The following HS2ST1 variants were observed in gnomAD, a reference collection of about 807,000 sequenced individuals.
HS2ST1 encodes 2-O-sulfotransferase.
In HS2ST1, 18 loss-of-function variants were observed where a neutral mutation model predicts 42.9. That is an observed-to-expected ratio of 0.42 (90% CI 0.29 to 0.62). The LOEUF (loss-of-function observed/expected upper bound fraction) is 0.62, where lower values mean the gene tolerates loss of function less well. Among genes scored for constraint, HS2ST1 ranks in the 20% least tolerant of loss-of-function variants. HS2ST1 has a pLI of 0.21. For missense variants in HS2ST1, 334 were observed against 433.8 expected (o/e 0.77, Z 2.04); for synonymous variants, 146 against 152.9 (o/e 0.95, Z 0.33).
chr1:86,967,604 C>G (rs1397232571), intron 1 of HS2ST1, among the ~76,000 whole-genome samples: 1 of 152,164 alleles, frequency 6.6e-6, no homozygotes, highest in Non-Finnish European at 1.5e-5. Context: ...CCAGTTCCAT[C>G]CAAGTTGCTG....
At chr1:87,042,502 C>T (rs558205631) in intron 1 of HS2ST1, among the ~76,000 whole-genome samples, 1 of 152,122 alleles carries the variant, frequency 6.6e-6, no homozygotes, top group Non-Finnish European at 1.5e-5. Context: ...TTTAAGGAAG[C>T]CATTATTTTA....
intron 1 of HS2ST1, among the ~76,000 whole-genome samples, chr1:87,052,984 A>AT (rs1409395228): frequency 6.6e-6 from 1 of 152,170 alleles, no homozygotes; most frequent in East Asian, 1.9e-4. Flanking sequence ...AGGAATTTGT[A>AT]TTTTAACAAA....
At chr1:87,087,405 C>G (rs928372944) in intron 3 of HS2ST1, among the ~76,000 whole-genome samples, 4 of 152,010 alleles carry the variant, frequency 2.6e-5, no homozygotes, top group Non-Finnish European at 5.9e-5. Flanking sequence ...TATTCAGGCA[C>G]GTATCAGGTA....
chr1:86,977,521 A>C (rs1043585738), intron 1 of HS2ST1, among the ~76,000 whole-genome samples: 1 of 152,246 alleles, frequency 6.6e-6, no homozygotes, highest in Non-Finnish European at 1.5e-5. Flanking sequence ...TAATGTGACT[A>C]TTGTGACATT....
chr1:87,028,177 T>C lies in HS2ST1; in HGVS notation c.125-44757T>C, dbSNP rs541531912. Among the ~76,000 whole-genome samples, 12 of 152,306 alleles carry C rather than the reference T, an allele frequency of 7.9e-5. No individual in the cohort carries two copies. In the East Asian group the frequency reaches 2.1e-3, roughly 27 times the overall value. On this transcript the variant is annotated intron_variant, in intron 1 of 6. Transcript: ENST00000370550. ...AAGTAGACAATTTCACGTACACTACTAGACAAGTGATTTTCATGTCAGGAG... is the reference window on the plus strand; with the variant it reads ...AAGTAGACAATTTCACGTACACTACCAGACAAGTGATTTTCATGTCAGGAG...
At chr1:86,964,124 G>C (rs1181183607) in intron 1 of HS2ST1, among the ~76,000 whole-genome samples, 1 of 151,802 alleles carries the variant, frequency 6.6e-6, no homozygotes, top group Non-Finnish European at 1.5e-5. Flanking sequence ...ATGGGCAGCC[G>C]GGCAGAGACG....
chr1:86,921,384 T>C (rs1660293581), intron 1 of HS2ST1, among the ~76,000 whole-genome samples: 1 of 152,076 alleles, frequency 6.6e-6, no homozygotes, highest in East Asian at 1.9e-4. Context: ...GACCAACCCT[T>C]TTTTTTATAC....
chr1:87,090,067 C>T (rs1651904170), intron 3 of HS2ST1, among the ~76,000 whole-genome samples: 1 of 151,988 alleles, frequency 6.6e-6, no homozygotes, highest in Non-Finnish European at 1.5e-5. Context: ...TGTAATCTCT[C>T]CTTGTAGTTT....
At chr1:87,092,043 C>G (rs1487936846) in intron 3 of HS2ST1, among the ~76,000 whole-genome samples, 1 of 152,026 alleles carries the variant, frequency 6.6e-6, no homozygotes, top group African/African-American at 2.4e-5. Flanking sequence ...AGTGAGAAAT[C>G]ATTGCTACAT....
intron 1 of HS2ST1, among the ~76,000 whole-genome samples, chr1:86,960,519 A>G (rs2102196552): frequency 6.6e-6 from 1 of 152,208 alleles, no homozygotes; most frequent in East Asian, 1.9e-4. Context: ...CTGGGAGAAA[A>G]TCTTTGGAAA....
chr1:87,047,769 T>C (rs1650723353), intron 1 of HS2ST1, among the ~76,000 whole-genome samples: 1 of 152,198 alleles, frequency 6.6e-6, no homozygotes, highest in Non-Finnish European at 1.5e-5. Flanking sequence ...ATTTGTATAG[T>C]TATATTTCTG....
chr1:87,100,687 A>G (rs972500874), intron 5 of HS2ST1, among the ~76,000 whole-genome samples: 1 of 152,190 alleles, frequency 6.6e-6, no homozygotes, highest in African/African-American at 2.4e-5. Flanking sequence ...TAATTCCAGC[A>G]CTTTGGAAGA....
chr1:87,008,826 AGTTGT>A (rs151227173), intron 1 of HS2ST1, among the ~76,000 whole-genome samples: 4 of 151,954 alleles, frequency 2.6e-5, no homozygotes, highest in Non-Finnish European at 4.4e-5. Context: ...ATTCAGAAGG[AGTTGT>A]GTTGTGTTGT....
intron 1 of HS2ST1, among the ~76,000 whole-genome samples, chr1:86,961,689 C>T (rs1394614924): frequency 1.3e-5 from 2 of 152,132 alleles, no homozygotes; most frequent in Non-Finnish European, 2.9e-5. Context: ...GCAACCAAAA[C>T]TAACAGCTCT....
At chr1:87,035,471 G>A (rs1047947095) in intron 1 of HS2ST1, among the ~76,000 whole-genome samples, 5 of 152,066 alleles carry the variant, frequency 3.3e-5, no homozygotes, top group African/African-American at 1.2e-4. Context: ...TGAGTTCATG[G>A]CCTAGAAGAT....
chr1:86,960,623 A>T (rs1647810121), intron 1 of HS2ST1, among the ~76,000 whole-genome samples: 1 of 152,228 alleles, frequency 6.6e-6, no homozygotes, highest in Non-Finnish European at 1.5e-5. Context: ...GGACAAAAAA[A>T]TCTGAACCTC....
In HS2ST1 at chr1:86,914,905, C is replaced by T. The variant is rs1203308137; in HGVS notation, c.-132C>T. 17 of 1,102,450 alleles carry T rather than the reference C, an allele frequency of 1.5e-5. No homozygotes were observed. The highest frequency in any genetic ancestry group is 4.7e-5 in the African/African-American group (3 of 63,662). 68.3% of individuals were successfully genotyped at this position (1,102,450 alleles called of 1,614,324 possible). On this transcript the variant is annotated 5_prime_UTR_variant, in exon 1 of 7. Transcript: ENST00000370550. Reference sequence around the variant, plus strand: ...GGAGAGGCGAGAAGGGGGGTCGCTGCGGTGGTTCTCTCGCTGTCGCTCTCT... The same window carrying T: ...GGAGAGGCGAGAAGGGGGGTCGCTGTGGTGGTTCTCTCGCTGTCGCTCTCT...
At chr1:86,915,564 T>C (rs1557477641) in intron 1 of HS2ST1, among the ~76,000 whole-genome samples, 2 of 152,116 alleles carry the variant, frequency 1.3e-5, no homozygotes. Context: ...AGATGAGGGG[T>C]ATTCTAATTT....
chr1:86,937,841 A>G (rs776630056), intron 1 of HS2ST1, among the ~76,000 whole-genome samples: 43 of 151,332 alleles, frequency 2.8e-4, no homozygotes, highest in African/African-American at 9.5e-4. Flanking sequence ...ATTCGTTGGT[A>G]CCTTCTCTTC....
Sources: allele counts gnomAD v4.1 joint callset (sites outside exome capture counted in the v4.1 genomes callset), GRCh38; gene constraint gnomAD v4.1.1; transcripts MANE v1.5; gene names NCBI Gene and HGNC (gene_info 2026-07-23, HGNC 2026-07-21).